The following RNF215 variants were observed in gnomAD, a reference collection of about 807,000 sequenced individuals.
RNF215 encodes the protein ring finger protein 215.
RNF215 carries 41 observed loss-of-function variants against 44.8 expected under a neutral mutation model. That is an observed-to-expected ratio of 0.92 (90% CI 0.71 to 1.19). The LOEUF is 1.19. RNF215 is among the 50% of genes most tolerant of loss of function. The pLI is 0.00. For synonymous variants in RNF215, 218 were observed against 230.1 expected (o/e 0.95, Z 0.48); for missense variants, 452 against 496.2 (o/e 0.91, Z 0.85).
At position 30,380,112 on chromosome 22, in the gene RNF215, G is replaced by C; in HGVS notation, c.958C>G (p.Pro320Ala). ...CACACCGCACAGGTCTCAGCACCCG[G>C]ATCTGGGAGGCCCTGCGCTGCCCTG... ...LSRAAQGLPDPGAETCAVCLD... is the reference protein window; with the variant it reads ...LSRAAQGLPDAGAETCAVCLD... Residue 320 changes from proline (P) to alanine (A), a missense_variant, in exon 7 of 9, where the codon CCG (proline) becomes GCG (alanine). Transcript: ENST00000382363. The surrounding 1 kb of genome is among the most constrained non-coding windows in gnomAD (Gnocchi z 5.3). The C allele has an allele frequency of 1.2e-6, 2 of 1,613,948 alleles. No individual in the cohort carries two copies. Among genetic ancestry groups the C allele is most frequent in the Non-Finnish European group, 1.7e-6 (2 of 1,179,980 alleles).
Position 30,380,133 on chromosome 22 carries a change from C to A in RNF215, c.937G>T (p.Ala313Ser), listed in dbSNP as rs146126721. 4.5e-5 allele frequency: 72 copies of A among 1,613,872 alleles called. No homozygotes were observed. The Middle Eastern group carries it at 4.9e-4, about 11-fold the overall frequency. The change falls in exon 7 of 9, where the codon GCA (alanine) becomes TCA (serine). Residue 313 changes from alanine to serine, a missense_variant. Transcript: ENST00000382363. The surrounding 1 kb of genome is among the most constrained non-coding windows in gnomAD (Gnocchi z 5.3). The stretch of plus-strand genomic sequence containing the variant: ...CCCGGATCTGGGAGGCCCTGCGCTG[C>A]CCTGCTCAGCCGGCAGCGCCGTGTC... ...LKTRRCRLSR[A>S]AQGLPDPGAE...
At chr22:30,386,585 C>T (rs769964963) in intron 2 of RNF215, 31 bp downstream of exon 2, 4 of 1,595,526 alleles carry the variant, frequency 2.5e-6, no homozygotes, top group Non-Finnish European at 8.5e-7. Flanking sequence ...TCCTTTCCTC[C>T]AGCCCCCTCC....
In RNF215 at chr22:30,380,061, C is replaced by T; in HGVS notation, c.1008+1G>A. Reference sequence around the variant, plus strand: ...GGCTGGTCTCTACCCGGGGCACTAGCCTGTTTGTTGCAGAAGTAGTCCAGG... The same window carrying T: ...GGCTGGTCTCTACCCGGGGCACTAGTCTGTTTGTTGCAGAAGTAGTCCAGG... On this transcript the variant is annotated splice_donor_variant, in intron 7 of 8. Transcript: ENST00000382363. LOFTEE classifies it high-confidence loss of function. This position sits in a 1 kb window ranked among gnomAD's most constrained non-coding sequence, Gnocchi z 5.3. 1 of 1,613,864 alleles carries T rather than the reference C, an allele frequency of 6.2e-7. No individual in the cohort carries two copies. Among genetic ancestry groups the T allele is most frequent in the African/African-American group, 1.3e-5 (1 of 75,008 alleles).
rs1037949307 is a variant in RNF215 at position 30,379,274 on chromosome 22, G to C, written c.*326C>G. ...GGGAGCTCCCAGAACCCTGGCGACA[G>C]CTACACTGGCCCCATATTCTCTTTC... On this transcript the variant is annotated 3_prime_UTR_variant, in exon 9 of 9. Coordinates refer to ENST00000382363, the MANE Select transcript of RNF215 (RefSeq NM_001017981.2). 2.6e-6 allele frequency: 1 copy of C among 385,926 alleles called. No individual in the cohort carries two copies. The highest frequency in any genetic ancestry group is 4.8e-6 in the Non-Finnish European group (1 of 206,728). 23.9% of individuals were successfully genotyped at this position (385,926 alleles called of 1,614,324 possible).
intron 4 of RNF215, 119 bp downstream of exon 4, chr22:30,385,785 C>CA (rs76749047): frequency 0.051 from 35,731 of 699,904 alleles, no homozygotes; most frequent in East Asian, 0.065. Context: ...TACTCCATCT[C>CA]AAAAAAAAAA....
rs1341612084 is a variant in RNF215 at position 30,387,060 on chromosome 22, G to T, written c.254C>A (p.Pro85Gln). The change falls in exon 1 of 9, where the codon CCG becomes CAG. Residue 85 changes from proline (P) to glutamine (Q), a missense_variant. Physicochemically the swap from Pro to Gln is moderately conservative, Grantham distance 76. Coordinates refer to ENST00000382363, the MANE Select transcript of RNF215 (RefSeq NM_001017981.2). ...CAGACGACCGCCCAGCAGGGGCGCC[G>T]GGTCGGCTTCGGAGCCGATCCTGAC... ...EGVRIGSEAD[P>Q]APLLGGRLLL... The T allele has an allele frequency of 1.3e-6, 2 of 1,543,406 alleles. No individual in the cohort carries two copies. The highest frequency in any genetic ancestry group is 1.9e-5 in the Admixed American group (1 of 52,888).
At chr22:30,384,842 C>G (rs1933574377) in intron 4 of RNF215, 1 of 185,914 alleles carries the variant, frequency 5.4e-6, no homozygotes, top group Non-Finnish European at 1.1e-5. Context: ...GACAGGGTCT[C>G]CCTTTGTCAC....
At chr22:30,382,530 C>G (rs757137875) in intron 5 of RNF215, among the ~76,000 whole-genome samples, 2 of 152,254 alleles carry the variant, frequency 1.3e-5, no homozygotes. Context: ...GTGACACTCC[C>G]CTGAGCCCCA....
rs1333817010 is a variant in RNF215 at position 30,380,269 on chromosome 22, G to A, written c.864+13C>T. The A allele has an allele frequency of 1.2e-6, 2 of 1,610,934 alleles. No individual in the cohort carries two copies. The highest frequency in any genetic ancestry group is 3.3e-5 in the Admixed American group (2 of 59,870). On this transcript the variant is annotated intron_variant, in intron 6 of 8. Coordinates refer to ENST00000382363, the MANE Select transcript of RNF215 (RefSeq NM_001017981.2). This position sits in a 1 kb window ranked among gnomAD's most constrained non-coding sequence, Gnocchi z 5.3. ...GGCTGAGGGTGCTGGGGCTCCCTGG[G>A]GCTGGCTCCCACCTGGCCTCCGAGC... is the stretch of plus-strand genomic sequence containing the variant.
rs772436296 is a variant in RNF215 at position 30,380,014 on chromosome 22, G to A, written c.1008+48C>T. 7.5e-6 allele frequency: 12 copies of A among 1,607,788 alleles called. No individual in the cohort carries two copies. Among genetic ancestry groups the A allele is most frequent in the East Asian group, 2.2e-5 (1 of 44,672 alleles). ...TTCCAAGGTCCCAGGAGTAAGGTGG[G>A]AGGCATCACAGGTGAGCTGATGGCT... On this transcript the variant is annotated intron_variant, in intron 7 of 8. Transcript: ENST00000382363. The surrounding 1 kb of genome is among the most constrained non-coding windows in gnomAD (Gnocchi z 5.3).
At chr22:30,383,684 G>A (rs1013025887) in intron 5 of RNF215, among the ~76,000 whole-genome samples, 3 of 152,152 alleles carry the variant, frequency 2.0e-5, no homozygotes, top group Non-Finnish European at 2.9e-5. Context: ...ATCCAGAGAC[G>A]ATAAAACACA....
At chr22:30,382,849 C>T (rs1217274112) in intron 5 of RNF215, among the ~76,000 whole-genome samples, 3 of 152,132 alleles carry the variant, frequency 2.0e-5, no homozygotes, top group African/African-American at 7.2e-5. Context: ...CGCCTGTAAT[C>T]CCAGCACTTT....
chr22:30,379,308 C>A lies in RNF215; in HGVS notation c.*292G>T, dbSNP rs919203924. On this transcript the variant is annotated 3_prime_UTR_variant, in exon 9 of 9. Coordinates refer to ENST00000382363, the MANE Select transcript of RNF215 (RefSeq NM_001017981.2). ...GCCCCATATTCTCTTTCCTTATTGACCTGGGAGCTGCCTGTAAGGAGGGCA... is the reference window on the plus strand; with the variant it reads ...GCCCCATATTCTCTTTCCTTATTGAACTGGGAGCTGCCTGTAAGGAGGGCA... 1.8e-5 allele frequency: 9 copies of A among 491,266 alleles called. No homozygotes were observed. Among genetic ancestry groups the A allele is most frequent in the Non-Finnish European group, 3.3e-5 (9 of 270,176 alleles). 30.4% of individuals were successfully genotyped at this position (491,266 alleles called of 1,614,324 possible).
chr22:30,386,509 A>AG, intron 2 of RNF215, 107 bp downstream of exon 2: 1 of 1,416,366 alleles, frequency 7.1e-7, no homozygotes, highest in South Asian at 1.4e-5. Context: ...CACCAGGCCT[A>AG]GGGCTTCTCT....
chr22:30,383,293 G>C (rs1349449031), intron 5 of RNF215, among the ~76,000 whole-genome samples: 2 of 152,116 alleles, frequency 1.3e-5, no homozygotes, highest in Non-Finnish European at 2.9e-5. Flanking sequence ...AGGCTGCTCA[G>C]GTCTGCCCTC....
intron 2 of RNF215, 145 bp from the exon 3 acceptor site, chr22:30,386,286 G>A (rs1337486674): frequency 3.8e-6 from 3 of 790,362 alleles, no homozygotes; most frequent in Non-Finnish European, 6.0e-6. Context: ...GAGGTCAAAG[G>A]TGGAAACTGC....
At chr22:30,381,088 C>T (rs964103852) in intron 5 of RNF215, among the ~76,000 whole-genome samples, 1 of 152,222 alleles carries the variant, frequency 6.6e-6, no homozygotes, top group Admixed American at 6.5e-5. Context: ...CCTCTTCCAC[C>T]TTATCCCTTT....
intron 4 of RNF215, among the ~76,000 whole-genome samples, chr22:30,385,309 C>G (rs1278851220): frequency 6.6e-6 from 1 of 151,244 alleles, no homozygotes; most frequent in Non-Finnish European, 1.5e-5. Flanking sequence ...GTAGTCCCAG[C>G]TACTTGGGAG....
Position 30,379,664 on chromosome 22 carries a change from TGAG to T in RNF215, c.1111+44_1112-43del, listed in dbSNP as rs574592453. On this transcript the variant is annotated intron_variant, in intron 8 of 8. Transcript: ENST00000382363. ...GAAGAACAGGGAGAGAGGCATCAGG[TGAG>T]GAGCAGGCAGAGTAGGCCGAGGGAC... 238 of 1,551,590 alleles carry T rather than the reference TGAG, an allele frequency of 1.5e-4. 3 individuals are homozygous for T. The South Asian group carries it at 2.8e-3, about 18-fold the overall frequency.
Sources: allele counts gnomAD v4.1 joint callset (sites outside exome capture counted in the v4.1 genomes callset), GRCh38; gene constraint gnomAD v4.1.1; non-coding constraint Gnocchi (gnomAD v3.1); transcripts MANE v1.5; gene names NCBI Gene and HGNC (gene_info 2026-07-23, HGNC 2026-07-21).